KATNIP: variants seen among roughly 807,000 people sequenced by gnomAD.
KATNIP encodes katanin interacting protein, also known as katanin-interacting protein.
A neutral mutation model predicts 174.0 loss-of-function variants in KATNIP; 126 were observed. That is an observed-to-expected ratio of 0.72 (90% CI 0.63 to 0.84). The LOEUF is 0.84. KATNIP is among the 40% of genes least tolerant of loss of function. The pLI is 0.00. For missense variants in KATNIP, 1,958 were observed against 2,109.7 expected, an observed-to-expected ratio of 0.93 and a Z score of 1.41; for synonymous variants, 810 against 835.7, an observed-to-expected ratio of 0.97 and a Z score of 0.53.
intron 6 of KATNIP, among the ~76,000 whole-genome samples, chr16:27,656,419 G>GAAA (rs927275425): frequency 2.6e-3 from 90 of 34,354 alleles, no homozygotes; most frequent in African/African-American, 7.9e-3. Flanking sequence ...CTCTGTCTCA[G>GAAA]AAAAAAAAAA....
Position 27,766,428 on chromosome 16 carries a change from T to C in KATNIP, c.3929T>C (p.Leu1310Pro). 1.2e-6 allele frequency: 2 copies of C among 1,614,046 alleles called. No individual in the cohort carries two copies. Among genetic ancestry groups the C allele is most frequent in the Non-Finnish European group, 1.7e-6 (2 of 1,180,022 alleles). The change falls in exon 20 of 28, where the codon CTG becomes CCG. Residue 1310 changes from leucine (L) to proline (P), a missense_variant. Leu to Pro is a moderately conservative substitution (Grantham distance 98). Coordinates refer to ENST00000261588, the MANE Select transcript of KATNIP (RefSeq NM_015202.5). ...RLDRAESIAGLRFWNYNKSPE... is the reference protein window; with the variant it reads ...RLDRAESIAGPRFWNYNKSPE... ...GACAGGGCCGAAAGCATCGCAGGCCTGCGCTTCTGGAACTACAATAAATCT... is the reference window on the plus strand; with the variant it reads ...GACAGGGCCGAAAGCATCGCAGGCCCGCGCTTCTGGAACTACAATAAATCT...
At chr16:27,772,015 A>G (rs2082325720) in intron 22 of KATNIP, among the ~76,000 whole-genome samples, 1 of 152,100 alleles carries the variant, frequency 6.6e-6, no homozygotes, top group Non-Finnish European at 1.5e-5. Context: ...AATAGCTCAC[A>G]CCTGTAATCC....
At chr16:27,654,815 A>G (rs938326782) in intron 6 of KATNIP, 16 of 1,278,214 alleles carry the variant, frequency 1.3e-5, no homozygotes, top group Non-Finnish European at 1.7e-5. Context: ...CTGCCTTAAG[A>G]TGGACTCCGT....
intron 14 of KATNIP, among the ~76,000 whole-genome samples, chr16:27,723,104 G>A (rs542097888): frequency 6.6e-6 from 1 of 152,290 alleles, no homozygotes; most frequent in South Asian, 2.1e-4. Context: ...AGGGCCCTGC[G>A]TGTTCACAGG....
In KATNIP at chr16:27,704,006, C is replaced by T. The variant is rs763397667; in HGVS notation, c.1389+8C>T. ...CAAGTATCAGACACAGAGGTGAGAG[C>T]CTTGACTTGATTTTCAGTTGTACAT... On this transcript the variant is annotated splice_region_variant and intron_variant, in intron 12 of 27. Coordinates refer to ENST00000261588, the MANE Select transcript of KATNIP (RefSeq NM_015202.5). The T allele has an allele frequency of 1.2e-6, 2 of 1,608,598 alleles. No individual in the cohort carries two copies. Among genetic ancestry groups the T allele is most frequent in the Admixed American group, 3.3e-5 (2 of 59,996 alleles).
chr16:27,776,574 GT>G lies in KATNIP; in HGVS notation c.4450-353del, dbSNP rs1365398547. ...TGGTGCTCAACCCGAGTTGGGGACT[GT>G]CCCTTTAGCTCATGGGGCTCTAGAC... is the stretch of plus-strand genomic sequence containing the variant. On this transcript the variant is annotated intron_variant, in intron 24 of 27. Coordinates refer to ENST00000261588, the MANE Select transcript of KATNIP (RefSeq NM_015202.5). This position sits in a 1 kb window ranked among gnomAD's most constrained non-coding sequence, Gnocchi z 4.7. Among the ~76,000 whole-genome samples the G allele has an allele frequency of 6.6e-6, 1 of 152,202 alleles. No homozygotes were observed. The highest frequency in any genetic ancestry group is 2.4e-5 in the African/African-American group (1 of 41,448).
At chr16:27,641,137 C>CA (rs1255873987) in intron 5 of KATNIP, among the ~76,000 whole-genome samples, 2,263 of 124,652 alleles carry the variant, frequency 0.018, 47 homozygotes, top group African/African-American at 0.052. Flanking sequence ...GGCTCTGTCT[C>CA]AAAAAAAAAA....
chr16:27,754,108 C>T, intron 17 of KATNIP, 65 bp from the exon 18 acceptor site: 6 of 1,326,420 alleles, frequency 4.5e-6, no homozygotes, highest in Non-Finnish European at 6.5e-6. Flanking sequence ...AACAGCCAGC[C>T]AGCTAGCTGT....
chr16:27,589,871 C>G (rs1226375827), intron 2 of KATNIP, among the ~76,000 whole-genome samples: 1 of 152,000 alleles, frequency 6.6e-6, no homozygotes, highest in Non-Finnish European at 1.5e-5. Flanking sequence ...CCACTCACTG[C>G]AACCTTTGCC....
chr16:27,567,616 T>G (rs975434666), intron 1 of KATNIP, among the ~76,000 whole-genome samples: 1 of 152,224 alleles, frequency 6.6e-6, no homozygotes, highest in South Asian at 2.1e-4. Context: ...CTCTGGCTCC[T>G]GGGTTAAAGT....
chr16:27,654,787 G>A lies in KATNIP; in HGVS notation c.540+6052G>A, dbSNP rs190683337. On this transcript the variant is annotated intron_variant, in intron 6 of 27. Transcript: ENST00000261588. The stretch of plus-strand genomic sequence containing the variant: ...CCCCTAAGGGCTGGGGATCTTTTCC[G>A]TAGCCAAGCAGCTGTGCCTGCCTTA... The A allele has an allele frequency of 5.9e-5, 79 of 1,345,088 alleles. No homozygotes were observed. In the African/African-American group the frequency reaches 5.9e-4, roughly 10 times the overall value. The allele number at this position is 1,345,088 out of a possible 1,614,324, so 83.3% of individuals were successfully genotyped here. A position where few individuals can be genotyped will look rare whatever the true frequency, so the allele number is the denominator to read the frequency against.
chr16:27,593,517 C>T (rs2075248014), intron 2 of KATNIP, among the ~76,000 whole-genome samples: 1 of 151,962 alleles, frequency 6.6e-6, no homozygotes, highest in Non-Finnish European at 1.5e-5. Flanking sequence ...GGATTACAGG[C>T]GTGAGCCACC....
intron 9 of KATNIP, among the ~76,000 whole-genome samples, chr16:27,699,138 C>G (rs970341366): frequency 1.3e-5 from 2 of 152,186 alleles, no homozygotes; most frequent in African/African-American, 4.8e-5. Flanking sequence ...GCTTGTCCCC[C>G]CGATGCTCAG....
chr16:27,696,427 A>G (rs2078913561), intron 8 of KATNIP, among the ~76,000 whole-genome samples: 1 of 152,214 alleles, frequency 6.6e-6, no homozygotes, highest in African/African-American at 2.4e-5. Context: ...TGGTATACAG[A>G]TAATTTCATC....
intron 6 of KATNIP, among the ~76,000 whole-genome samples, chr16:27,661,689 G>A (rs938451647): frequency 2.1e-4 from 31 of 150,486 alleles, no homozygotes; most frequent in Non-Finnish European, 2.7e-4. Flanking sequence ...CACTGCGCCC[G>A]GCCTGGGTTT....
intron 1 of KATNIP, among the ~76,000 whole-genome samples, chr16:27,566,790 T>TC (rs1392655304): frequency 6.6e-6 from 1 of 152,182 alleles, no homozygotes; most frequent in Non-Finnish European, 1.5e-5. Context: ...CCAAGAGCTA[T>TC]CACCCGGGGA....
intron 3 of KATNIP, among the ~76,000 whole-genome samples, chr16:27,624,906 G>A (rs541742904): frequency 1.2e-4 from 18 of 152,282 alleles, no homozygotes; most frequent in East Asian, 3.9e-4. Context: ...AGTCCAGTGC[G>A]GGGGAAGAAG....
chr16:27,699,141 A>G (rs1268653345), intron 9 of KATNIP, among the ~76,000 whole-genome samples: 1 of 152,116 alleles, frequency 6.6e-6, no homozygotes, highest in Non-Finnish European at 1.5e-5. Context: ...TGTCCCCCCG[A>G]TGCTCAGAGT....
At position 27,740,126 on chromosome 16, in the gene KATNIP, A is replaced by C. The variant is rs1365573001; in HGVS notation, c.1829A>C (p.Glu610Ala). ...FNGKLDKGDREAPADHSILVD... is the reference protein window; with the variant it reads ...FNGKLDKGDRAAPADHSILVD... ...GGCAAGTTAGACAAAGGAGATAGGG[A>C]GGCCCCAGCTGACCACAGCATCCTG... Residue 610 changes from glutamate (E) to alanine (A), a missense_variant, in exon 15 of 28, where the codon GAG (glutamate) becomes GCG (alanine). Coordinates refer to ENST00000261588, the MANE Select transcript of KATNIP (RefSeq NM_015202.5). 6.2e-6 allele frequency: 10 copies of C among 1,614,098 alleles called. No individual in the cohort carries two copies. In the African/African-American group the frequency reaches 8.0e-5, roughly 13 times the overall value.
Sources: allele counts gnomAD v4.1 joint callset (sites outside exome capture counted in the v4.1 genomes callset), GRCh38; gene constraint gnomAD v4.1.1; non-coding constraint Gnocchi (gnomAD v3.1); transcripts MANE v1.5; gene names NCBI Gene and HGNC (gene_info 2026-07-23, HGNC 2026-07-21).